The following AFF3 variants were observed in gnomAD, a reference collection of about 807,000 sequenced individuals.
AFF3 encodes ALF transcription elongation factor 3.
AFF3 carries 32 observed loss-of-function variants against 129.7 expected under a neutral mutation model. That is an observed-to-expected ratio of 0.25 (90% confidence interval 0.19 to 0.33). The LOEUF is 0.33. AFF3 is among the 10% of genes least tolerant of loss of function. AFF3 has a pLI of 1.00. For missense variants in AFF3, 1,373 were observed against 1,592.0 expected (o/e 0.86, Z 2.34); for synonymous variants, 644 against 635.4 (o/e 1.01, Z -0.20).
chr2:99,867,351 C>G (rs996451324), intron 7 of AFF3, among the ~76,000 whole-genome samples: 6 of 152,038 alleles, frequency 3.9e-5, no homozygotes, highest in Non-Finnish European at 8.8e-5. Flanking sequence ...GGAATTGTCC[C>G]AGTGGGTTTG....
intron 4 of AFF3, among the ~76,000 whole-genome samples, chr2:100,100,898 T>A (rs1220145735): frequency 6.6e-6 from 1 of 152,244 alleles, no homozygotes. Context: ...TGCCTCTGCA[T>A]ATCTGCTGCC....
In AFF3 at chr2:99,601,454, G is replaced by T. The variant is rs143696804; in HGVS notation, c.1352C>A (p.Pro451His). Reference sequence around the variant, plus strand: ...GCTTACCTCGGGGCTGGAGAAGTGGGGGGGCTTGCTGCCCTCACTCTCGCT... The same window carrying T: ...GCTTACCTCGGGGCTGGAGAAGTGGTGGGGCTTGCTGCCCTCACTCTCGCT... ...SSSESEGSKP[P>H]HFSSPEAEPA... is the part of the protein sequence containing the mutation. Residue 451 changes from proline to histidine, a missense_variant, in exon 14 of 25, where the codon CCC becomes CAC. Around this residue, in one of 9 missense-constraint regions of AFF3, gnomAD observed 413 missense variants for 424.4 expected, o/e 0.97. Transcript: ENST00000672756. 3.1e-6 allele frequency: 5 copies of T among 1,607,870 alleles called. No homozygotes were observed. The highest frequency in any genetic ancestry group is 1.7e-5 in the Admixed American group (1 of 59,526).
chr2:100,039,995 T>C (rs1234032787), intron 4 of AFF3, among the ~76,000 whole-genome samples: 1 of 152,226 alleles, frequency 6.6e-6, no homozygotes, highest in Non-Finnish European at 1.5e-5. Context: ...TTCTTTCTTA[T>C]AAATTTCCAA....
intron 4 of AFF3, among the ~76,000 whole-genome samples, chr2:100,023,172 T>C (rs1166341476): frequency 6.6e-6 from 1 of 152,202 alleles, no homozygotes; most frequent in Non-Finnish European, 1.5e-5. Flanking sequence ...TGAATAAGTA[T>C]CTGGTGTTCC....
intron 16 of AFF3, among the ~76,000 whole-genome samples, chr2:99,584,464 G>C (rs553016618): frequency 1.1e-4 from 17 of 152,090 alleles, no homozygotes; most frequent in Non-Finnish European, 2.4e-4. Context: ...ATAAGACTCC[G>C]TCTCCAAAAT....
intron 4 of AFF3, among the ~76,000 whole-genome samples, chr2:100,099,377 T>A (rs1345630418): frequency 6.6e-6 from 1 of 152,214 alleles, no homozygotes; most frequent in African/African-American, 2.4e-5. Flanking sequence ...GCAGTTGATT[T>A]GAAGACAAGC....
chr2:99,722,292 C>CATAT (rs1678962982), intron 11 of AFF3, among the ~76,000 whole-genome samples: 3 of 152,168 alleles, frequency 2.0e-5, no homozygotes, highest in Admixed American at 1.3e-4. Flanking sequence ...TTTTCCCACT[C>CATAT]ATATGTCTTT....
intron 11 of AFF3, among the ~76,000 whole-genome samples, chr2:99,673,972 G>A (rs1214363944): frequency 6.6e-6 from 1 of 152,216 alleles, no homozygotes; most frequent in African/African-American, 2.4e-5. Context: ...TCCGTTGTGA[G>A]TCTACAAAAT....
chr2:99,677,142 G>C (rs1674026175), intron 11 of AFF3, among the ~76,000 whole-genome samples: 2 of 151,494 alleles, frequency 1.3e-5, no homozygotes, highest in Non-Finnish European at 2.9e-5. Flanking sequence ...TGGTGGTATG[G>C]ACCTGTAAAC....
intron 11 of AFF3, among the ~76,000 whole-genome samples, chr2:99,711,140 A>G (rs1275652027): frequency 1.3e-5 from 2 of 152,078 alleles, no homozygotes; most frequent in Non-Finnish European, 2.9e-5. Context: ...TTTTAGGGAA[A>G]TACCAGCCCT....
intron 7 of AFF3, among the ~76,000 whole-genome samples, chr2:99,934,716 A>G (rs1674367583): frequency 6.6e-6 from 1 of 152,110 alleles, no homozygotes; most frequent in East Asian, 1.9e-4. Context: ...TCAGCCCCTC[A>G]CTCACAACCC....
chr2:99,924,103 T>A (rs1172358514), intron 7 of AFF3, among the ~76,000 whole-genome samples: 1 of 152,128 alleles, frequency 6.6e-6, no homozygotes, highest in Admixed American at 6.6e-5. Context: ...GCTATTCCCA[T>A]GTTTATTGTA....
chr2:100,085,525 A>G (rs935921579), intron 4 of AFF3, among the ~76,000 whole-genome samples: 1 of 149,454 alleles, frequency 6.7e-6, no homozygotes. Context: ...CCCAAATCCA[A>G]TAAGCAAACT....
At chr2:99,595,042 T>A (rs1332580086) in intron 14 of AFF3, among the ~76,000 whole-genome samples, 2 of 152,170 alleles carry the variant, frequency 1.3e-5, no homozygotes, top group African/African-American at 4.8e-5. Context: ...GCCCCACAGG[T>A]TGGCTCTGTG....
intron 4 of AFF3, among the ~76,000 whole-genome samples, chr2:100,019,342 A>G (rs181119900): frequency 3.9e-5 from 6 of 152,330 alleles, no homozygotes; most frequent in Admixed American, 2.6e-4. Flanking sequence ...GAATCAACTT[A>G]CCTGTGAGGT....
At chr2:99,887,757 G>C (rs1465469456) in intron 7 of AFF3, among the ~76,000 whole-genome samples, 1 of 152,164 alleles carries the variant, frequency 6.6e-6, no homozygotes, top group Non-Finnish European at 1.5e-5. Context: ...AAAAGGCATC[G>C]TGCTCAACTC....
chr2:99,935,494 A>C (rs961103051), intron 7 of AFF3, among the ~76,000 whole-genome samples: 2 of 152,222 alleles, frequency 1.3e-5, no homozygotes, highest in Admixed American at 1.3e-4. Flanking sequence ...AAGTACCATG[A>C]ACCTTACTGA....
chr2:99,776,094 CAA>C (rs1021872330), intron 8 of AFF3, among the ~76,000 whole-genome samples: 2 of 152,122 alleles, frequency 1.3e-5, no homozygotes, highest in East Asian at 1.9e-4. Context: ...CAGGAGGAAA[CAA>C]AGTGTGGGGA....
chr2:100,087,001 G>A (rs1217168799), intron 4 of AFF3, among the ~76,000 whole-genome samples: 1 of 152,186 alleles, frequency 6.6e-6, no homozygotes, highest in Non-Finnish European at 1.5e-5. Flanking sequence ...CAACCCTAGG[G>A]CCTTACACTT....
Sources: gnomAD v4.1 joint callset for allele counts (sites outside exome capture counted in the v4.1 genomes callset) on GRCh38, gnomAD v4.1.1 for gene constraint, gnomAD v4.1.1 regional missense constraint, MANE v1.5 for transcripts, NCBI Gene and HGNC (gene_info 2026-07-23, HGNC 2026-07-21) for gene names.